Variants in FMN1 observed in about 807,000 individuals in gnomAD.
The protein encoded by FMN1 is formin 1, also known as formin-1.
Under a neutral mutation model 132.4 loss-of-function variants are expected in FMN1, and 110 were observed. The ratio of observed to expected loss-of-function variants is 0.83; its 90% CI spans 0.71 to 0.97. The LOEUF is 0.97. Ranked by LOEUF, FMN1 falls within the 50% of genes least tolerant of loss-of-function variation. The pLI, the probability that FMN1 is intolerant of heterozygous loss-of-function variation, is 0.00. For missense variants in FMN1, 1,792 were observed against 1,705.3 expected, an observed-to-expected ratio of 1.05 and a Z score of -0.90; for synonymous variants, 722 against 651.7, an observed-to-expected ratio of 1.11 and a Z score of -1.64.
At chr15:32,947,709 A>G (rs1437573105) in intron 9 of FMN1, among the ~76,000 whole-genome samples, 1 of 152,094 alleles carries the variant, frequency 6.6e-6, no homozygotes, top group African/African-American at 2.4e-5. Context: ...ATAATTTTCT[A>G]CACTGACTCG....
At chr15:32,918,476 G>A (rs555311048) in intron 10 of FMN1, among the ~76,000 whole-genome samples, 43 of 152,248 alleles carry the variant, frequency 2.8e-4, no homozygotes, top group Admixed American at 1.8e-3. Flanking sequence ...TCGCAAAAGG[G>A]ATACTTATCT....
Position 33,153,675 on chromosome 15 carries a change from C to G in FMN1, c.1240G>C (p.Glu414Gln). Residue 414 changes from glutamate (E) to glutamine (Q), a missense_variant, in exon 4 of 21, where the codon GAG becomes CAG. Around this residue, in one of 3 missense-constraint regions of FMN1, gnomAD observed 638 missense variants for 645.2 expected, o/e 0.99. Coordinates refer to ENST00000616417, the MANE Select transcript of FMN1 (RefSeq NM_001277313.2). ...ASISSVSASA[E>Q]GAVNKVPLKV... Reference sequence around the variant, plus strand: ...AGGGGGACCTTGTTCACGGCCCCCTCGGCACTGGCCGACACACTAGAAATG... The same window carrying G: ...AGGGGGACCTTGTTCACGGCCCCCTGGGCACTGGCCGACACACTAGAAATG... The G allele has an allele frequency of 6.5e-7, 1 of 1,536,394 alleles. No individual in the cohort carries two copies.
intron 9 of FMN1, 125 bp from the exon 10 acceptor site, chr15:32,926,386 C>T: frequency 1.8e-6 from 1 of 540,822 alleles, no homozygotes; most frequent in Non-Finnish European, 3.2e-6. Context: ...ATGCTGCATG[C>T]ACTCTTTAAA....
At chr15:33,033,027 G>A (rs906814647) in intron 6 of FMN1, among the ~76,000 whole-genome samples, 2 of 151,942 alleles carry the variant, frequency 1.3e-5, no homozygotes, top group African/African-American at 2.4e-5. Context: ...TTACTGTTTC[G>A]TTTTCGTTTG....
chr15:32,904,621 C>T (rs1036844966), intron 12 of FMN1, among the ~76,000 whole-genome samples: 8 of 152,082 alleles, frequency 5.3e-5, no homozygotes, highest in Non-Finnish European at 1.2e-4. Flanking sequence ...CAACCTACTC[C>T]TAAGAGATGT....
intron 4 of FMN1, among the ~76,000 whole-genome samples, chr15:33,143,152 T>C (rs1190356051): frequency 6.6e-6 from 1 of 152,238 alleles, no homozygotes; most frequent in African/African-American, 2.4e-5. Context: ...CCAAGTTCCA[T>C]TTAATTCTAC....
intron 16 of FMN1, among the ~76,000 whole-genome samples, chr15:32,877,290 A>G (rs1003232960): frequency 1.2e-4 from 8 of 67,500 alleles, no homozygotes; most frequent in African/African-American, 5.8e-4. Flanking sequence ...CTGTCTCAGG[A>G]AAAAAAAAAA....
intron 6 of FMN1, among the ~76,000 whole-genome samples, chr15:33,057,157 A>C (rs999776187): frequency 2.6e-5 from 4 of 152,230 alleles, no homozygotes; most frequent in Admixed American, 2.6e-4. Flanking sequence ...AGCCTGGGTG[A>C]CAGAGCGAGA....
chr15:33,115,189 T>G (rs1055793857), intron 4 of FMN1, among the ~76,000 whole-genome samples: 3 of 152,170 alleles, frequency 2.0e-5, no homozygotes, highest in African/African-American at 7.2e-5. Context: ...TTCTTAGAAT[T>G]TAAGTGTTAA....
intron 4 of FMN1, among the ~76,000 whole-genome samples, chr15:33,110,541 G>C (rs947205929): frequency 1.3e-5 from 2 of 151,864 alleles, no homozygotes; most frequent in Non-Finnish European, 2.9e-5. Context: ...GTAAAATTCT[G>C]TATTAACCAA....
intron 7 of FMN1, among the ~76,000 whole-genome samples, chr15:32,969,983 G>C (rs749666060): frequency 1.1e-4 from 17 of 152,202 alleles, no homozygotes; most frequent in Non-Finnish European, 1.9e-4. Context: ...AGCAAGGGAA[G>C]AAGCCACGAT....
At chr15:32,902,972 C>T (rs1055491847) in intron 12 of FMN1, among the ~76,000 whole-genome samples, 1 of 152,294 alleles carries the variant, frequency 6.6e-6, no homozygotes, top group Admixed American at 6.5e-5. Flanking sequence ...AACGTCATTA[C>T]CAAGGAATTT....
chr15:33,041,436 C>T (rs1191931832), intron 6 of FMN1, among the ~76,000 whole-genome samples: 5 of 127,886 alleles, frequency 3.9e-5, no homozygotes. Flanking sequence ...CTATTCACTT[C>T]TTTTTCAGCT....
intron 5 of FMN1, chr15:33,068,034 C>G (rs2037829181): frequency 9.0e-6 from 13 of 1,438,800 alleles, no homozygotes; most frequent in Non-Finnish European, 1.2e-5. Context: ...CACACTTGGT[C>G]TCTTTCGGGT....
intron 16 of FMN1, among the ~76,000 whole-genome samples, chr15:32,870,454 T>C (rs1275782232): frequency 1.3e-5 from 2 of 152,082 alleles, no homozygotes; most frequent in African/African-American, 2.4e-5. Context: ...TGGGAGTGAG[T>C]ATTCTCCATG....
chr15:32,904,876 C>T (rs1288631687), intron 12 of FMN1, among the ~76,000 whole-genome samples: 1 of 152,156 alleles, frequency 6.6e-6, no homozygotes, highest in Non-Finnish European at 1.5e-5. Flanking sequence ...CCCTGCCCTG[C>T]CCCATTACTG....
At chr15:33,068,159 G>A (rs2037834856) in intron 5 of FMN1, 1 of 493,948 alleles carries the variant, frequency 2.0e-6, no homozygotes, top group South Asian at 4.9e-5. Flanking sequence ...ACACGGACCA[G>A]GGAGGCTGCT....
chr15:33,113,407 CCTTT>C (rs72228545), intron 4 of FMN1, among the ~76,000 whole-genome samples: 18,940 of 145,202 alleles, frequency 0.13, 2,005 homozygotes, highest in East Asian at 0.61. Flanking sequence ...TTCATTCCAG[CCTTT>C]CTTTCTTTAC....
intron 16 of FMN1, among the ~76,000 whole-genome samples, chr15:32,883,396 G>C (rs1459943371): frequency 6.6e-6 from 1 of 151,338 alleles, no homozygotes; most frequent in East Asian, 1.9e-4. Context: ...TGTAGTCCCA[G>C]CTGCTTAGGA....
Sources: gnomAD v4.1 joint callset for allele counts (sites outside exome capture counted in the v4.1 genomes callset) on GRCh38, gnomAD v4.1.1 for gene constraint, gnomAD v4.1.1 regional missense constraint, MANE v1.5 for transcripts, NCBI Gene and HGNC (gene_info 2026-07-23, HGNC 2026-07-21) for gene names.